CD74: variants seen among roughly 807,000 people sequenced by gnomAD.
CD74 encodes the protein HLA class II histocompatibility antigen gamma chain.
CD74 carries 20 observed loss-of-function variants against 37.1 expected under a neutral mutation model. The ratio of observed to expected loss-of-function variants is 0.54; its 90% CI spans 0.38 to 0.78. The LOEUF (loss-of-function observed/expected upper bound fraction) is 0.78. Ranked by LOEUF, CD74 falls within the 30% of genes least tolerant of loss-of-function variation. CD74 has a pLI of 0.00. For synonymous variants in CD74, 150 were observed against 152.0 expected, an observed-to-expected ratio of 0.99 and a Z score of 0.10; for missense variants, 338 against 389.5, an observed-to-expected ratio of 0.87 and a Z score of 1.11.
At position 150,412,721 on chromosome 5, in the gene CD74, C is replaced by A; in HGVS notation, c.29G>T (p.Arg10Leu). Residue 10 changes from arginine (R) to leucine (L), a missense_variant, in exon 1 of 9, where the codon CGG becomes CTG. Physicochemically the swap from Arg to Leu is moderately radical, Grantham distance 102. Coordinates refer to ENST00000009530, the MANE Select transcript of CD74 (RefSeq NM_001025159.3). ...ATCCATGACTGGCTTCTGATCTTCC[C>A]GACAGCTCCTGCTTCTCCTCCTGTG... Reference protein sequence around the residue: MHRRRSRSCREDQKPVMDDQ... With the variant: MHRRRSRSCLEDQKPVMDDQ... 4 of 1,614,112 alleles carry A rather than the reference C, an allele frequency of 2.5e-6. No homozygotes were observed. Among genetic ancestry groups the A allele is most frequent in the Non-Finnish European group, 3.4e-6 (4 of 1,179,994 alleles).
At position 150,403,067 on chromosome 5, in the gene CD74, CA is replaced by C. The variant is rs1267723233; in HGVS notation, c.817+53del. ...GCTTCAGAGGGGACCTCTTGCCCCT[CA>C]ACCTTCCTAGTCCTTCCTGGTCCTC... On this transcript the variant is annotated intron_variant, in intron 7 of 8. Coordinates refer to ENST00000009530, the MANE Select transcript of CD74 (RefSeq NM_001025159.3). The surrounding 1 kb of genome is among the most constrained non-coding windows in gnomAD (Gnocchi z 4.5). 1 of 1,511,358 alleles carries C rather than the reference CA, an allele frequency of 6.6e-7. No homozygotes were observed. Among genetic ancestry groups the C allele is most frequent in the African/African-American group, 1.4e-5 (1 of 72,828 alleles). 93.6% of individuals were successfully genotyped at this position (1,511,358 alleles called of 1,614,324 possible).
In CD74 at chr5:150,402,790, G is replaced by C. The variant is rs1329131488; in HGVS notation, c.818-165C>G. 6.6e-6 allele frequency among the ~76,000 whole-genome samples: 1 copy of C among 152,222 alleles called. No individual in the cohort carries two copies. Among genetic ancestry groups the C allele is most frequent in the South Asian group, 2.1e-4 (1 of 4,830 alleles). The stretch of plus-strand genomic sequence containing the variant: ...CAACAAAGAGGTGTAATGGGGGCTC[G>C]AGTGAGAAGGGGGTGATGAAATGAG... On this transcript the variant is annotated intron_variant, in intron 7 of 8. Coordinates refer to ENST00000009530, the MANE Select transcript of CD74 (RefSeq NM_001025159.3). This position sits in a 1 kb window ranked among gnomAD's most constrained non-coding sequence, Gnocchi z 4.2.
rs1770181803 is a variant in CD74, at chr5:150,409,187, C to T, written c.126-1863G>A. Among the ~76,000 whole-genome samples, 3 of 151,410 alleles carry T rather than the reference C, an allele frequency of 2.0e-5. 1 individual carries two copies. The South Asian group carries it at 6.2e-4, about 32-fold the overall frequency. On this transcript the variant is annotated intron_variant, in intron 1 of 8. Transcript: ENST00000009530. ...GCAGTGAGCCGAGATCACGTCACTG[C>T]ACTCCAGCCTGGGTGACAGAAGGAG... is the stretch of plus-strand genomic sequence containing the variant.
chr5:150,409,672 G>T (rs1056848423), intron 1 of CD74, among the ~76,000 whole-genome samples: 6 of 132,798 alleles, frequency 4.5e-5, no homozygotes, highest in African/African-American at 1.8e-4. Flanking sequence ...CATCCTGGGG[G>T]ATAGAGTGAG....
chr5:150,407,430 TA>T lies in CD74; in HGVS notation c.126-107del. 1.2e-6 allele frequency: 1 copy of T among 835,402 alleles called. No individual in the cohort carries two copies. The highest frequency in any genetic ancestry group is 1.8e-6 in the Non-Finnish European group (1 of 545,650). 51.7% of individuals were successfully genotyped at this position (835,402 alleles called of 1,614,324 possible). On this transcript the variant is annotated intron_variant, in intron 1 of 8. Coordinates refer to ENST00000009530, the MANE Select transcript of CD74 (RefSeq NM_001025159.3). The surrounding 1 kb of genome is among the most constrained non-coding windows in gnomAD (Gnocchi z 4.4). The stretch of plus-strand genomic sequence containing the variant: ...TATACCCCCATCTCCATTAGACCCC[TA>T]AGCCACCCCTAATAAACAATGCATT...
At chr5:150,404,603 G>A (rs1769837687) in intron 6 of CD74, 77 bp downstream of exon 6, 1 of 813,980 alleles carries the variant, frequency 1.2e-6, no homozygotes, top group South Asian at 1.5e-5. Flanking sequence ...GAGTGCTGGA[G>A]GCCCCGGCCT....
rs1216860518 is a variant in CD74 at position 150,407,370 on chromosome 5, G to A, written c.126-46C>T. On this transcript the variant is annotated intron_variant, in intron 1 of 8. Coordinates refer to ENST00000009530, the MANE Select transcript of CD74 (RefSeq NM_001025159.3). The surrounding 1 kb of genome is among the most constrained non-coding windows in gnomAD (Gnocchi z 4.4). ...AGGTCAGAGGAGGATCCACAGTGGTGGCTGCCCCAAGGGCTGGCTAGGAAT... is the reference window on the plus strand; with the variant it reads ...AGGTCAGAGGAGGATCCACAGTGGTAGCTGCCCCAAGGGCTGGCTAGGAAT... The A allele has an allele frequency of 5.2e-6, 8 of 1,532,594 alleles. No homozygotes were observed. Among genetic ancestry groups the A allele is most frequent in the Non-Finnish European group, 7.1e-6 (8 of 1,128,700 alleles). 94.9% of individuals were successfully genotyped at this position (1,532,594 alleles called of 1,614,324 possible).
intron 6 of CD74, among the ~76,000 whole-genome samples, chr5:150,404,165 A>G (rs954459783): frequency 5.3e-5 from 8 of 152,176 alleles, no homozygotes; most frequent in Admixed American, 2.0e-4. Flanking sequence ...GACTTGTCCA[A>G]AGTTACATAG....
Position 150,405,171 on chromosome 5 carries a change from G to T in CD74, c.451C>A (p.Pro151Thr). Residue 151 changes from proline (P) to threonine (T), a missense_variant, in exon 5 of 9, where the codon CCC becomes ACC. Transcript: ENST00000009530. ...TTCAGTGGCGGGTACACCTTCAGGG[G>T]GTCAGCATTCTACAGGGTAGCAGGG... ...HVMHLLQNAD[P>T]LKVYPPLKGS... The T allele has an allele frequency of 1.2e-6, 2 of 1,602,388 alleles. No homozygotes were observed. Among genetic ancestry groups the T allele is most frequent in the South Asian group, 2.2e-5 (2 of 89,578 alleles).
chr5:150,412,153 T>C (rs1770378096), intron 1 of CD74, among the ~76,000 whole-genome samples: 1 of 152,152 alleles, frequency 6.6e-6, no homozygotes, highest in South Asian at 2.1e-4. Flanking sequence ...TTAGTAGAGA[T>C]GGGGTTTCAA....
intron 5 of CD74, 46 bp downstream of exon 5, chr5:150,405,020 CTCTCCTAGCCCTGCCCTAG>C: frequency 6.8e-7 from 1 of 1,463,766 alleles, no homozygotes. Context: ...CTCACCCCAC[CTCTCCTAGCCCTGCCCTAG>C]ACACCAGAGG....
chr5:150,409,383 C>T (rs181156691), intron 1 of CD74, among the ~76,000 whole-genome samples: 119 of 151,992 alleles, frequency 7.8e-4, no homozygotes, highest in African/African-American at 2.8e-3. Context: ...AAAAATTAGC[C>T]GGACGTGGTG....
rs1340985215 is a variant in CD74, at chr5:150,402,498, C to T, written c.880+65G>A. On this transcript the variant is annotated intron_variant, in intron 8 of 8. Transcript: ENST00000009530. The surrounding 1 kb of genome is among the most constrained non-coding windows in gnomAD (Gnocchi z 4.2). ...AGCGTCACACTCCTTCACCTGCCCA[C>T]AAAGGAGCTGGCCCTGCTGGGGATG... 1.4e-6 allele frequency: 2 copies of T among 1,388,122 alleles called. No homozygotes were observed. The highest frequency in any genetic ancestry group is 1.2e-5 in the South Asian group (1 of 86,668). 86.0% of individuals were successfully genotyped at this position (1,388,122 alleles called of 1,614,324 possible). A position where few individuals can be genotyped will look rare whatever the true frequency, so the allele number is the denominator to read the frequency against.
At position 150,401,885 on chromosome 5, in the gene CD74, G is replaced by A; in HGVS notation, c.*355C>T. ...AGCATGTCCAGCCTGGGGTCTGGGT[G>A]TAGGGTTATCCCTTCTCCCTGTGCC... is the stretch of plus-strand genomic sequence containing the variant. On this transcript the variant is annotated 3_prime_UTR_variant, in exon 9 of 9. Coordinates refer to ENST00000009530, the MANE Select transcript of CD74 (RefSeq NM_001025159.3). 1.4e-6 allele frequency: 1 copy of A among 731,162 alleles called. No homozygotes were observed. The highest frequency in any genetic ancestry group is 1.5e-5 in the South Asian group (1 of 67,982). The allele number at this position is 731,162 out of a possible 1,614,324, so 45.3% of individuals were successfully genotyped here.
At chr5:150,409,794 A>G (rs1770232776) in intron 1 of CD74, among the ~76,000 whole-genome samples, 1 of 126,774 alleles carries the variant, frequency 7.9e-6, no homozygotes, top group Non-Finnish European at 1.7e-5. Flanking sequence ...GTTTGTTTGT[A>G]TATTACGCAG....
chr5:150,404,409 T>A (rs988952798), intron 6 of CD74: 1 of 458,038 alleles, frequency 2.2e-6, no homozygotes, highest in African/African-American at 1.9e-5. Context: ...CCATCCTCTA[T>A]GAGAGAGGTC....
At chr5:150,408,511 T>C (rs1028937906) in intron 1 of CD74, among the ~76,000 whole-genome samples, 2 of 152,202 alleles carry the variant, frequency 1.3e-5, no homozygotes, top group African/African-American at 4.8e-5. Flanking sequence ...GTATTTCAAA[T>C]GGTAATATCC....
intron 6 of CD74, chr5:150,404,408 A>AT (rs1365198138): frequency 2.3e-6 from 1 of 436,252 alleles, no homozygotes; most frequent in Admixed American, 3.4e-5. Flanking sequence ...ACCATCCTCT[A>AT]TGAGAGAGGT....
intron 1 of CD74, among the ~76,000 whole-genome samples, chr5:150,410,643 C>T (rs981982883): frequency 1.3e-5 from 2 of 149,374 alleles, no homozygotes; most frequent in Admixed American, 1.3e-4. Context: ...TCACCCCCCT[C>T]TTTATTTCCT....
Sources: gnomAD v4.1 joint callset for allele counts (sites outside exome capture counted in the v4.1 genomes callset) on GRCh38, gnomAD v4.1.1 for gene constraint, Gnocchi (gnomAD v3.1) non-coding constraint, MANE v1.5 for transcripts, NCBI Gene and HGNC (gene_info 2026-07-23, HGNC 2026-07-21) for gene names.